The following PCDHA12 variants were observed in gnomAD, a reference collection of about 807,000 sequenced individuals.
PCDHA12 encodes protocadherin alpha 12, also known as protocadherin alpha-12.
In PCDHA12, 44 loss-of-function variants were observed where a neutral mutation model predicts 60.0. The observed-to-expected ratio is 0.73, with a 90% CI of 0.58 to 0.94. PCDHA12 has a LOEUF of 0.94. Among genes scored for constraint, PCDHA12 ranks in the 40% least tolerant of loss-of-function variants. The pLI, the probability that PCDHA12 is intolerant of heterozygous loss-of-function variation, is 0.00. For synonymous variants in PCDHA12, 569 were observed against 553.0 expected (o/e 1.03, Z -0.40); for missense variants, 1,276 against 1,239.7 (o/e 1.03, Z -0.44).
intron 1 of PCDHA12, among the ~76,000 whole-genome samples, chr5:140,950,920 T>TTTCTGCTACTTTTAACTG (rs1554219690): frequency 2.6e-5 from 4 of 152,202 alleles, no homozygotes; most frequent in African/African-American, 9.6e-5. Context: ...TTATTTCAGT[T>TTTCTGCTACTTTTAACTG]CTTTTTCTTT....
chr5:140,936,981 T>C (rs2153630854), intron 1 of PCDHA12, among the ~76,000 whole-genome samples: 1 of 152,330 alleles, frequency 6.6e-6, no homozygotes, highest in South Asian at 2.1e-4. Flanking sequence ...ATGAAGCTTG[T>C]TAACATTGAC....
In PCDHA12 at chr5:140,876,858, G is replaced by A. The variant is rs201724019; in HGVS notation, c.1386G>A (p.Val462=). The A allele has an allele frequency of 1.3e-4, 215 of 1,614,152 alleles. No homozygotes were observed. In the East Asian group the frequency reaches 3.0e-3, roughly 22 times the overall value. ...CGTTCGCGCAGCCCGAGTACACAGT[G>A]TTCGTGAAGGAGAACAACCCGCCGG... ...APAFAQPEYT[V]FVKENNPPGC... Residue 462 remains valine (V), a synonymous_variant, in exon 1 of 4, where the codon GTG becomes GTA. Transcript: ENST00000398631.
At chr5:140,936,630 T>C (rs1309907947) in intron 1 of PCDHA12, among the ~76,000 whole-genome samples, 1 of 152,234 alleles carries the variant, frequency 6.6e-6, no homozygotes, top group Non-Finnish European at 1.5e-5. Context: ...GCTACCTTTG[T>C]CATAAGCAAC....
intron 3 of PCDHA12, among the ~76,000 whole-genome samples, chr5:141,005,884 T>A (rs1554260408): frequency 6.6e-6 from 1 of 151,744 alleles, no homozygotes; most frequent in Non-Finnish European, 1.5e-5. Context: ...GAGTTTGAGG[T>A]TACATCAAGC....
At chr5:140,878,110 A>T in intron 1 of PCDHA12, 1 of 249,264 alleles carries the variant, frequency 4.0e-6, no homozygotes, top group South Asian at 1.2e-4. Context: ...CTTGAAAAAA[A>T]CAGTATATTA....
intron 1 of PCDHA12, among the ~76,000 whole-genome samples, chr5:140,950,924 T>C (rs1316182193): frequency 2.6e-5 from 4 of 152,104 alleles, no homozygotes; most frequent in Non-Finnish European, 5.9e-5. Flanking sequence ...TTCAGTTCTT[T>C]TTCTTTTCTT....
At position 140,882,396 on chromosome 5, in the gene PCDHA12, C is replaced by G; in HGVS notation, c.2367+4557C>G. The G allele has an allele frequency of 1.9e-6, 3 of 1,614,196 alleles. No homozygotes were observed. In the South Asian group the frequency reaches 3.3e-5, roughly 18 times the overall value. On this transcript the variant is annotated intron_variant, in intron 1 of 3. Transcript: ENST00000398631. ...GTCCCCGAGGAAGCAAAACACGGCA[C>G]CTTCGTGGGCCGCATCGCTCAGGAC...
In PCDHA12 at chr5:140,927,795, G is replaced by T; in HGVS notation, c.2367+49956G>T. ...TGCAAGTAGCTGCTTCACTAGGTCC[G>T]CCTGAAACGCTCTTGGAGGCATACA... On this transcript the variant is annotated intron_variant, in intron 1 of 3. Transcript: ENST00000398631. The T allele has an allele frequency of 1.9e-6, 3 of 1,614,144 alleles. 1 individual carries two copies. The highest frequency in any genetic ancestry group is 2.2e-5 in the South Asian group (2 of 91,080).
At chr5:140,992,095 G>T (rs1554252652) in intron 3 of PCDHA12, among the ~76,000 whole-genome samples, 1 of 151,540 alleles carries the variant, frequency 6.6e-6, no homozygotes, top group East Asian at 1.9e-4. Context: ...TAGAGAAAGA[G>T]AATTAAGGTG....
chr5:140,926,128 CGCAGCAGGATCCAGCGCGGAAAGCTCT>C (rs1157627097), intron 1 of PCDHA12, among the ~76,000 whole-genome samples: 1 of 152,278 alleles, frequency 6.6e-6, no homozygotes, highest in East Asian at 1.9e-4. Flanking sequence ...GACTTCAACC[CGCAGCAGGATCCAGCGCGGAAAGCTCT>C]GCAGCAGGAT....
intron 1 of PCDHA12, among the ~76,000 whole-genome samples, chr5:140,906,929 C>T (rs1488297059): frequency 3.9e-5 from 6 of 152,122 alleles, no homozygotes; most frequent in African/African-American, 9.7e-5. Flanking sequence ...AAAAGTGTCC[C>T]GGTGTCAATC....
chr5:141,004,351 G>T (rs547017222), intron 3 of PCDHA12, among the ~76,000 whole-genome samples: 1 of 152,332 alleles, frequency 6.6e-6, no homozygotes, highest in African/African-American at 2.4e-5. Flanking sequence ...TGAGGGACTG[G>T]AGAGACCACA....
At chr5:140,928,350 T>A in intron 1 of PCDHA12, 1 of 1,614,098 alleles carries the variant, frequency 6.2e-7, no homozygotes, top group Non-Finnish European at 8.5e-7. Context: ...AGCTGTTGGA[T>A]GTTATCTCTG....
At chr5:140,935,104 A>C (rs1233919640) in intron 1 of PCDHA12, among the ~76,000 whole-genome samples, 1 of 152,126 alleles carries the variant, frequency 6.6e-6, no homozygotes, top group South Asian at 2.1e-4. Flanking sequence ...GCCATTTTTC[A>C]AAGAGCTTTC....
intron 3 of PCDHA12, among the ~76,000 whole-genome samples, chr5:141,000,216 T>C (rs665221): frequency 1.3e-5 from 2 of 151,640 alleles, no homozygotes; most frequent in East Asian, 1.9e-4. Flanking sequence ...CATTATCAAA[T>C]GCCTGTGTGG....
intron 1 of PCDHA12, chr5:140,882,426 G>A (rs148335988): frequency 6.1e-5 from 99 of 1,613,954 alleles, no homozygotes; most frequent in Non-Finnish European, 7.9e-5. Context: ...CAGGACCTGG[G>A]GCTGGAGCTG....
chr5:140,993,256 A>C lies in PCDHA12; in HGVS notation c.2515+10693A>C, dbSNP rs1419636248. Among the ~76,000 whole-genome samples, 3 of 152,148 alleles carry C rather than the reference A, an allele frequency of 2.0e-5. No homozygotes were observed. In the East Asian group the frequency reaches 5.8e-4, roughly 29 times the overall value. On this transcript the variant is annotated intron_variant, in intron 3 of 3. Coordinates refer to ENST00000398631, the MANE Select transcript of PCDHA12 (RefSeq NM_018903.4). The stretch of plus-strand genomic sequence containing the variant: ...CTGAATCTGGGGATTTAGATATATA[A>C]ATTAGCTTCTTTGGTCTTTTCTTGC...
intron 1 of PCDHA12, among the ~76,000 whole-genome samples, chr5:140,945,731 A>G (rs1021363337): frequency 2.6e-5 from 4 of 152,144 alleles, no homozygotes; most frequent in Non-Finnish European, 4.4e-5. Flanking sequence ...TACAATGGAA[A>G]AAGGACAGCC....
chr5:140,961,114 A>G (rs2095591473), intron 1 of PCDHA12, among the ~76,000 whole-genome samples: 1 of 152,212 alleles, frequency 6.6e-6, no homozygotes, highest in African/African-American at 2.4e-5. Flanking sequence ...ACCCCCTTGC[A>G]TCTTAATGTC....
Sources: gnomAD v4.1 joint callset for allele counts (sites outside exome capture counted in the v4.1 genomes callset) on GRCh38, gnomAD v4.1.1 for gene constraint, MANE v1.5 for transcripts, NCBI Gene and HGNC (gene_info 2026-07-23, HGNC 2026-07-21) for gene names.